Variants in CCDC85A observed in about 807,000 individuals in gnomAD.
The protein encoded by CCDC85A is coiled-coil domain containing 85A.
In CCDC85A, 38 loss-of-function variants were observed where a neutral mutation model predicts 50.2. The observed-to-expected ratio is 0.76, with a 90% CI of 0.58 to 0.99. The LOEUF (loss-of-function observed/expected upper bound fraction) is 0.99, where lower values mean the gene tolerates loss of function less well. Among genes scored for constraint, CCDC85A ranks in the 50% least tolerant of loss-of-function variants. The pLI, the probability that CCDC85A is intolerant of heterozygous loss-of-function variation, is 0.00. For missense variants in CCDC85A, 820 were observed against 742.0 expected (o/e 1.11, Z -1.22); for synonymous variants, 366 against 301.4 (o/e 1.21, Z -2.22).
At position 56,184,620 on chromosome 2, in the gene CCDC85A, A is replaced by G. The variant is rs1418292273; in HGVS notation, c.-5A>G. 1 of 1,419,628 alleles carries G rather than the reference A, an allele frequency of 7.0e-7. No homozygotes were observed. The highest frequency in any genetic ancestry group is 2.9e-5 in the East Asian group (1 of 34,990). The allele number at this position is 1,419,628 out of a possible 1,614,324, so 87.9% of individuals were successfully genotyped here. A position where few individuals can be genotyped will look rare whatever the true frequency, so the allele number is the denominator to read the frequency against. On this transcript the variant is annotated 5_prime_UTR_variant, in exon 1 of 6. Transcript: ENST00000407595. ...CCCACTTGCACCTGCCACCCCGCGG[A>G]TACCATGTCGAAGGCGGCCGGAGGC...
intron 2 of CCDC85A, among the ~76,000 whole-genome samples, chr2:56,266,273 C>G (rs1271412759): frequency 6.6e-6 from 1 of 152,110 alleles, no homozygotes; most frequent in Non-Finnish European, 1.5e-5. Flanking sequence ...TTGTGTATTT[C>G]AAACTAGCTG....
chr2:56,284,451 C>T (rs1199245729), intron 2 of CCDC85A, among the ~76,000 whole-genome samples: 1 of 152,196 alleles, frequency 6.6e-6, no homozygotes, highest in Non-Finnish European at 1.5e-5. Flanking sequence ...AGGCTCACTG[C>T]AACCTCAGCC....
chr2:56,322,220 G>C (rs984269733), intron 2 of CCDC85A, among the ~76,000 whole-genome samples: 2 of 152,156 alleles, frequency 1.3e-5, no homozygotes, highest in Non-Finnish European at 2.9e-5. Context: ...AACCATTCAG[G>C]CCATAGGCAT....
Position 56,282,371 on chromosome 2 carries a change from A to T in CCDC85A, c.1241-60508A>T, listed in dbSNP as rs76332394. Among the ~76,000 whole-genome samples the T allele has an allele frequency of 6.8e-3, 1,038 of 152,320 alleles. 9 individuals carry two copies. Among genetic ancestry groups the T allele is most frequent in the African/African-American group, 0.024 (984 of 41,564 alleles). ...TACATTTTTGTTGTTGTTGATTAAG[A>T]TTATTTCAACAATTTGAGGTCAAGT... On this transcript the variant is annotated intron_variant, in intron 2 of 5. Transcript: ENST00000407595.
intron 5 of CCDC85A, chr2:56,383,851 G>A (rs922194748): frequency 2.2e-5 from 15 of 671,756 alleles, no homozygotes; most frequent in Non-Finnish European, 2.8e-5. Flanking sequence ...CTTAATTCTG[G>A]CTACACATTA....
intron 2 of CCDC85A, among the ~76,000 whole-genome samples, chr2:56,288,749 C>A (rs142332962): frequency 3.2e-4 from 48 of 151,194 alleles, no homozygotes; most frequent in African/African-American, 1.1e-3. Flanking sequence ...AAAAACAAAT[C>A]TGTTTGTGCC....
intron 2 of CCDC85A, among the ~76,000 whole-genome samples, chr2:56,226,024 C>G (rs1018642743): frequency 2.0e-5 from 3 of 152,206 alleles, no homozygotes; most frequent in Non-Finnish European, 2.9e-5. Flanking sequence ...CTCAGTGCCT[C>G]TCTTAAAATG....
chr2:56,316,828 G>C (rs1157549216), intron 2 of CCDC85A, among the ~76,000 whole-genome samples: 1 of 152,080 alleles, frequency 6.6e-6, no homozygotes, highest in African/African-American at 2.4e-5. Flanking sequence ...ATGGCAAAAT[G>C]TCACTTTTTT....
intron 2 of CCDC85A, among the ~76,000 whole-genome samples, chr2:56,290,109 CT>C (rs1014628590): frequency 3.3e-5 from 5 of 152,108 alleles, no homozygotes; most frequent in African/African-American, 1.2e-4. Context: ...CTATAATTCT[CT>C]TCTTTTATTC....
At chr2:56,309,498 G>A (rs1672594308) in intron 2 of CCDC85A, among the ~76,000 whole-genome samples, 1 of 152,126 alleles carries the variant, frequency 6.6e-6, no homozygotes, top group African/African-American at 2.4e-5. Flanking sequence ...AGAAAATAAT[G>A]GTGATCCTAA....
chr2:56,210,223 G>A (rs1677127606), intron 2 of CCDC85A, among the ~76,000 whole-genome samples: 1 of 152,060 alleles, frequency 6.6e-6, no homozygotes, highest in African/African-American at 2.4e-5. Flanking sequence ...TGGTCCAAGG[G>A]CCAAATACCG....
At chr2:56,185,124 T>A (rs571467757) in intron 1 of CCDC85A, among the ~76,000 whole-genome samples, 92 of 123,378 alleles carry the variant, frequency 7.5e-4, no homozygotes, top group African/African-American at 2.5e-3. Flanking sequence ...ACTGTCTGGC[T>A]GTTCGGGGAG....
intron 2 of CCDC85A, among the ~76,000 whole-genome samples, chr2:56,270,022 A>G (rs1025834675): frequency 1.3e-5 from 2 of 152,172 alleles, no homozygotes; most frequent in Admixed American, 6.5e-5. Flanking sequence ...TGTCAGATTC[A>G]TTTTGTGTAG....
At chr2:56,286,391 G>A (rs1671445118) in intron 2 of CCDC85A, among the ~76,000 whole-genome samples, 1 of 151,990 alleles carries the variant, frequency 6.6e-6, no homozygotes, top group Non-Finnish European at 1.5e-5. Context: ...TCTTCACTGA[G>A]GCTGTTTTTA....
At chr2:56,347,985 A>G (rs543159729) in intron 3 of CCDC85A, among the ~76,000 whole-genome samples, 99 of 152,338 alleles carry the variant, frequency 6.5e-4, no homozygotes, top group African/African-American at 2.3e-3. Flanking sequence ...ATTATAAAGT[A>G]AATAGTACTA....
At chr2:56,238,290 G>A (rs1195423647) in intron 2 of CCDC85A, among the ~76,000 whole-genome samples, 6 of 151,836 alleles carry the variant, frequency 4.0e-5, no homozygotes, top group South Asian at 2.1e-4. Flanking sequence ...GGTGGTGGGC[G>A]CCTGTAATCC....
At chr2:56,344,239 A>G (rs1461593261) in intron 3 of CCDC85A, among the ~76,000 whole-genome samples, 1 of 152,210 alleles carries the variant, frequency 6.6e-6, no homozygotes, top group Non-Finnish European at 1.5e-5. Flanking sequence ...CTAATAACAA[A>G]GTTATTATTA....
intron 2 of CCDC85A, among the ~76,000 whole-genome samples, chr2:56,253,171 G>C (rs1230794783): frequency 6.6e-6 from 1 of 152,204 alleles, no homozygotes; most frequent in Non-Finnish European, 1.5e-5. Context: ...AATTTTACCA[G>C]CACCCAGAAG....
At chr2:56,294,218 A>G (rs1214684245) in intron 2 of CCDC85A, among the ~76,000 whole-genome samples, 1 of 152,168 alleles carries the variant, frequency 6.6e-6, no homozygotes, top group African/African-American at 2.4e-5. Context: ...GTTCTCACTT[A>G]TAAGTGGGAG....
Sources: gnomAD v4.1 joint callset for allele counts (sites outside exome capture counted in the v4.1 genomes callset) on GRCh38, gnomAD v4.1.1 for gene constraint, MANE v1.5 for transcripts, NCBI Gene and HGNC (gene_info 2026-07-23, HGNC 2026-07-21) for gene names.